The following MACROD2 variants were observed in gnomAD, a reference collection of about 807,000 sequenced individuals.
MACROD2 encodes ADP-ribose glycohydrolase MACROD2.
In MACROD2, 36 loss-of-function variants were observed where a neutral mutation model predicts 70.4. The ratio of observed to expected loss-of-function variants is 0.51; its 90% CI spans 0.39 to 0.68. The LOEUF is 0.68. MACROD2 is among the 30% of genes least tolerant of loss of function. The pLI is 0.00. For synonymous variants in MACROD2, 172 were observed against 178.8 expected (o/e 0.96, Z 0.30); for missense variants, 496 against 538.4 (o/e 0.92, Z 0.78).
chr20:15,801,484 A>G (rs1020261768), intron 8 of MACROD2, among the ~76,000 whole-genome samples: 3 of 147,964 alleles, frequency 2.0e-5, no homozygotes, highest in Non-Finnish European at 4.5e-5. Context: ...TCAAACATGA[A>G]AAAAAAAAAA....
intron 5 of MACROD2, among the ~76,000 whole-genome samples, chr20:14,767,718 G>T (rs755419899): frequency 2.0e-5 from 3 of 151,726 alleles, no homozygotes; most frequent in Non-Finnish European, 4.4e-5. Flanking sequence ...GTATACACGT[G>T]TCATGGTGGT....
At chr20:15,585,201 T>C (rs2048580806) in intron 8 of MACROD2, among the ~76,000 whole-genome samples, 1 of 138,198 alleles carries the variant, frequency 7.2e-6, no homozygotes, top group Non-Finnish European at 1.6e-5. Context: ...TTCTTTTTTT[T>C]CTTTTTTTTT....
chr20:14,445,058 A>G (rs2122968257), intron 3 of MACROD2, among the ~76,000 whole-genome samples: 1 of 152,016 alleles, frequency 6.6e-6, no homozygotes, highest in Non-Finnish European at 1.5e-5. Context: ...TCTTGTTAAA[A>G]TTTAAATTAG....
intron 5 of MACROD2, among the ~76,000 whole-genome samples, chr20:14,693,441 T>C (rs1392723793): frequency 6.6e-6 from 1 of 152,164 alleles, no homozygotes; most frequent in Non-Finnish European, 1.5e-5. Flanking sequence ...TTTATTGAAA[T>C]AAGTAGCAAA....
chr20:14,326,876 A>G lies in MACROD2; in HGVS notation c.272-166603A>G, dbSNP rs754895999. ...TTGTCACCTAAACCATGATTGTTCAACAGGTTTCCATCTAGAACCAGGCGT... is the reference window on the plus strand; with the variant it reads ...TTGTCACCTAAACCATGATTGTTCAGCAGGTTTCCATCTAGAACCAGGCGT... On this transcript the variant is annotated intron_variant, in intron 3 of 17. Transcript: ENST00000684519. This position sits in a 1 kb window ranked among gnomAD's most constrained non-coding sequence, Gnocchi z 5.5. 6.2e-7 allele frequency: 1 copy of G among 1,613,786 alleles called. No homozygotes were observed. The highest frequency in any genetic ancestry group is 2.2e-5 in the East Asian group (1 of 44,856).
At chr20:15,840,162 C>G (rs972210657) in intron 8 of MACROD2, among the ~76,000 whole-genome samples, 8 of 152,140 alleles carry the variant, frequency 5.3e-5, no homozygotes, top group African/African-American at 1.7e-4. Flanking sequence ...GACAGTGGCT[C>G]AAGCCACCAC....
rs1290872386 is a variant in MACROD2, at chr20:14,163,158, C to A, written c.271+77430C>A. On this transcript the variant is annotated intron_variant, in intron 3 of 17. Coordinates refer to ENST00000684519, the MANE Select transcript of MACROD2 (RefSeq NM_001351661.2). Reference sequence around the variant, plus strand: ...GTCTAGTGATGATGAATTTTCTCAGCATTTACTTATCTGGGAAATACTTTA... The same window carrying A: ...GTCTAGTGATGATGAATTTTCTCAGAATTTACTTATCTGGGAAATACTTTA... 3.9e-5 allele frequency among the ~76,000 whole-genome samples: 6 copies of A among 152,126 alleles called. No homozygotes were observed. In the East Asian group the frequency reaches 1.2e-3, roughly 29 times the overall value.
intron 2 of MACROD2, among the ~76,000 whole-genome samples, chr20:14,074,254 C>T (rs924907831): frequency 6.6e-6 from 1 of 152,196 alleles, no homozygotes; most frequent in East Asian, 1.9e-4. Flanking sequence ...TGTAATAGTC[C>T]CTGAATAATG....
At chr20:15,012,934 C>T (rs1208098641) in intron 5 of MACROD2, among the ~76,000 whole-genome samples, 11 of 152,252 alleles carry the variant, frequency 7.2e-5, no homozygotes, top group Admixed American at 2.6e-4. Flanking sequence ...TGATCATACA[C>T]GGCTTAAGTA....
intron 3 of MACROD2, among the ~76,000 whole-genome samples, chr20:14,349,521 G>A (rs1334183396): frequency 6.8e-6 from 1 of 147,728 alleles, no homozygotes; most frequent in Non-Finnish European, 1.5e-5. Flanking sequence ...CATATATATT[G>A]TATCTATATG....
At chr20:16,016,860 G>A (rs1256191024) in intron 15 of MACROD2, among the ~76,000 whole-genome samples, 1 of 152,138 alleles carries the variant, frequency 6.6e-6, no homozygotes, top group Non-Finnish European at 1.5e-5. Flanking sequence ...ATTCAAAATT[G>A]TGCAGTCTTT....
intron 4 of MACROD2, among the ~76,000 whole-genome samples, chr20:14,494,565 G>A (rs2084832772): frequency 6.6e-6 from 1 of 152,144 alleles, no homozygotes; most frequent in South Asian, 2.1e-4. Context: ...GACTTACTGT[G>A]TGGAGACCAG....
chr20:14,071,252 G>GTTTTTTTTTT lies in MACROD2; in HGVS notation c.164-14352_164-14343dup, dbSNP rs59052053. 2.5e-3 allele frequency among the ~76,000 whole-genome samples: 162 copies of GTTTTTTTTTT among 63,932 alleles called. 45 individuals carry two copies. Among genetic ancestry groups the GTTTTTTTTTT allele is most frequent in the Non-Finnish European group, 3.3e-3 (117 of 35,030 alleles). The allele number at this position is 63,932 out of a possible 152,430, so 41.9% of individuals were successfully genotyped here. On this transcript the variant is annotated intron_variant, in intron 2 of 17. Transcript: ENST00000684519. ...GACAGTATTGGCCATTTCATCTTGT[G>GTTTTTTTTTT]TTTTTTTTTTTTTTTTTTTTTTTTT...
At chr20:14,127,813 A>T (rs1233397678) in intron 3 of MACROD2, 15 of 462,796 alleles carry the variant, frequency 3.2e-5, no homozygotes. Flanking sequence ...GAGAAAGGAG[A>T]GAAGGAGAAA....
At chr20:14,214,569 A>C (rs1446686984) in intron 3 of MACROD2, among the ~76,000 whole-genome samples, 1 of 151,428 alleles carries the variant, frequency 6.6e-6, no homozygotes, top group Non-Finnish European at 1.5e-5. Flanking sequence ...CTACCTGAGA[A>C]GTTATCCAGC....
chr20:15,037,576 A>G (rs760947526), intron 5 of MACROD2, among the ~76,000 whole-genome samples: 3 of 152,134 alleles, frequency 2.0e-5, no homozygotes, highest in Non-Finnish European at 4.4e-5. Context: ...TGTATTGGAG[A>G]TAGAGTCTTA....
intron 2 of MACROD2, among the ~76,000 whole-genome samples, chr20:14,039,539 A>G (rs773214920): frequency 6.6e-6 from 1 of 152,142 alleles, no homozygotes; most frequent in Non-Finnish European, 1.5e-5. Flanking sequence ...TGATTGTGAT[A>G]TTCCTTTAAA....
chr20:14,978,622 AC>A (rs1184889581), intron 5 of MACROD2, among the ~76,000 whole-genome samples: 5 of 123,638 alleles, frequency 4.0e-5, no homozygotes, highest in African/African-American at 1.2e-4. Flanking sequence ...TTATTTCCCA[AC>A]CCCCCCACCC....
chr20:15,764,085 C>A (rs1196568267), intron 8 of MACROD2, among the ~76,000 whole-genome samples: 1 of 152,178 alleles, frequency 6.6e-6, no homozygotes, highest in Non-Finnish European at 1.5e-5. Context: ...CCAGTTGAAA[C>A]AAAGCCCTGC....
Sources: allele counts gnomAD v4.1 joint callset (sites outside exome capture counted in the v4.1 genomes callset), GRCh38; gene constraint gnomAD v4.1.1; non-coding constraint Gnocchi (gnomAD v3.1); transcripts MANE v1.5; gene names NCBI Gene and HGNC (gene_info 2026-07-23, HGNC 2026-07-21).